Variants in CDC5L observed in about 807,000 individuals in gnomAD.
CDC5L encodes cell division cycle 5 like.
Under a neutral mutation model 104.1 loss-of-function variants are expected in CDC5L, and 18 were observed. The ratio of observed to expected loss-of-function variants is 0.17; its 90% CI spans 0.12 to 0.26. The LOEUF (loss-of-function observed/expected upper bound fraction) is 0.26, where lower values mean the gene tolerates loss of function less well. CDC5L is among the 10% of genes least tolerant of loss of function. The probability of loss-of-function intolerance (pLI) is 1.00; values close to 1 mark genes in which losing one functional copy is unlikely to be tolerated. For missense variants in CDC5L, 673 were observed against 956.9 expected, an observed-to-expected ratio of 0.70 and a Z score of 3.91; for synonymous variants, 331 against 322.7, an observed-to-expected ratio of 1.03 and a Z score of -0.28.
rs925567298 is a variant in CDC5L at position 44,409,664 on chromosome 6, C to T, written c.1092+1032C>T. 3.2e-4 allele frequency among the ~76,000 whole-genome samples: 49 copies of T among 152,192 alleles called. 1 individual carries two copies. The highest frequency in any genetic ancestry group is 2.6e-3 in the Admixed American group (40 of 15,288). ...AGACTACGCTGGCTGTGTCTGTTTT[C>T]TCTAACCTGTGCTGACTTTAGATAG... On this transcript the variant is annotated intron_variant, in intron 8 of 15. Transcript: ENST00000371477.
At chr6:44,436,759 T>C (rs1581660951) in intron 14 of CDC5L, among the ~76,000 whole-genome samples, 1 of 152,232 alleles carries the variant, frequency 6.6e-6, no homozygotes, top group East Asian at 1.9e-4. Context: ...AGATACCGTA[T>C]TATGAAATAG....
chr6:44,420,383 A>G (rs940465466), intron 9 of CDC5L, among the ~76,000 whole-genome samples: 1 of 147,138 alleles, frequency 6.8e-6, no homozygotes, highest in South Asian at 2.2e-4. Context: ...TTTGAGACGG[A>G]CTTTTGCTTT....
rs756188413 is a variant in CDC5L, at chr6:44,411,631, A to AGTGTGTGTGTGT, written c.1092+3000_1092+3001insTGTGTGTGTGTG. On this transcript the variant is annotated intron_variant, in intron 8 of 15. Coordinates refer to ENST00000371477, the MANE Select transcript of CDC5L (RefSeq NM_001253.4). ...GACAGAGAGAGAGAGAGAGAGAGAG[A>AGTGTGTGTGTGT]GAGAGAGTGTGTGTGTGTGTGTGAC... Among the ~76,000 whole-genome samples the AGTGTGTGTGTGT allele has an allele frequency of 4.6e-3, 42 of 9,182 alleles. No homozygotes were observed. In the Middle Eastern group the frequency reaches 0.25, roughly 55 times the overall value. 6.0% of individuals were successfully genotyped at this position (9,182 alleles called of 152,430 possible). A position where few individuals can be genotyped will look rare whatever the true frequency, so the allele number is the denominator to read the frequency against.
At chr6:44,439,175 G>A (rs1356459754) in intron 14 of CDC5L, among the ~76,000 whole-genome samples, 1 of 152,182 alleles carries the variant, frequency 6.6e-6, no homozygotes, top group Non-Finnish European at 1.5e-5. Context: ...CCATGTAGTA[G>A]TATATATTAG....
chr6:44,409,226 G>A (rs975716967), intron 8 of CDC5L, among the ~76,000 whole-genome samples: 3 of 152,196 alleles, frequency 2.0e-5, no homozygotes, highest in African/African-American at 4.8e-5. Context: ...CCCCTCATCC[G>A]TAGAGGTGCC....
chr6:44,393,296 C>G, intron 3 of CDC5L, 150 bp from the exon 4 acceptor site: 1 of 516,476 alleles, frequency 1.9e-6, no homozygotes, highest in South Asian at 3.1e-5. Flanking sequence ...TCATTTCTTT[C>G]AGATGAAGTG....
At chr6:44,443,305 A>G (rs1166564235) in intron 14 of CDC5L, among the ~76,000 whole-genome samples, 1 of 148,774 alleles carries the variant, frequency 6.7e-6, no homozygotes, top group Non-Finnish European at 1.5e-5. Flanking sequence ...AGTTTTTGAC[A>G]TTTTAATTGT....
At chr6:44,409,146 A>G (rs1228917087) in intron 8 of CDC5L, among the ~76,000 whole-genome samples, 2 of 152,216 alleles carry the variant, frequency 1.3e-5, no homozygotes, top group African/African-American at 4.8e-5. Flanking sequence ...TCTAATAGTC[A>G]GGAATATAAT....
chr6:44,409,471 A>T (rs1791533437), intron 8 of CDC5L, among the ~76,000 whole-genome samples: 1 of 152,238 alleles, frequency 6.6e-6, no homozygotes. Context: ...CTAAACCATG[A>T]ATTACCTTAT....
At chr6:44,391,825 G>T (rs976572094) in intron 2 of CDC5L, among the ~76,000 whole-genome samples, 5 of 151,872 alleles carry the variant, frequency 3.3e-5, no homozygotes, top group Non-Finnish European at 7.4e-5. Context: ...GGCCAACATG[G>T]TGAAAACCCC....
intron 8 of CDC5L, among the ~76,000 whole-genome samples, chr6:44,412,401 C>T (rs572262727): frequency 2.2e-4 from 33 of 150,814 alleles, no homozygotes; most frequent in African/African-American, 6.8e-4. Flanking sequence ...AGTTTTTTTA[C>T]TTTTAGTAGA....
chr6:44,421,870 A>G (rs1792195254), intron 9 of CDC5L, among the ~76,000 whole-genome samples: 1 of 152,090 alleles, frequency 6.6e-6, no homozygotes, highest in Non-Finnish European at 1.5e-5. Flanking sequence ...TCCCCGGTGG[A>G]TACTTAGGGA....
intron 8 of CDC5L, among the ~76,000 whole-genome samples, chr6:44,416,544 C>G (rs546897362): frequency 2.0e-5 from 3 of 152,336 alleles, no homozygotes; most frequent in Admixed American, 2.0e-4. Context: ...CCTCTGTCAC[C>G]TCTGCTTCTC....
At chr6:44,441,241 A>G (rs475426) in intron 14 of CDC5L, among the ~76,000 whole-genome samples, 44,121 of 152,076 alleles carry the variant, frequency 0.29, 8,210 homozygotes, top group East Asian at 0.74. Flanking sequence ...ACATCATATG[A>G]TATTTGGCTT....
At chr6:44,440,274 C>G (rs951804273) in intron 14 of CDC5L, among the ~76,000 whole-genome samples, 2 of 145,466 alleles carry the variant, frequency 1.4e-5, no homozygotes, top group African/African-American at 5.1e-5. Flanking sequence ...TGGAATCTTG[C>G]TCTGTTGCTC....
intron 14 of CDC5L, among the ~76,000 whole-genome samples, chr6:44,437,364 G>A (rs1262781580): frequency 6.6e-6 from 1 of 152,172 alleles, no homozygotes; most frequent in Non-Finnish European, 1.5e-5. Context: ...ATAATCAAAT[G>A]ACAGGCGTAA....
intron 4 of CDC5L, among the ~76,000 whole-genome samples, chr6:44,395,978 G>A (rs1790851624): frequency 6.6e-6 from 1 of 152,182 alleles, no homozygotes; most frequent in Non-Finnish European, 1.5e-5. Flanking sequence ...TAATAATGAA[G>A]GATACAATAA....
At chr6:44,421,057 C>G (rs1006355745) in intron 9 of CDC5L, among the ~76,000 whole-genome samples, 5 of 152,124 alleles carry the variant, frequency 3.3e-5, no homozygotes, top group Non-Finnish European at 7.3e-5. Flanking sequence ...TTTTGGAGAC[C>G]CGGTCTCTCA....
chr6:44,414,122 C>T (rs943955885), intron 8 of CDC5L, among the ~76,000 whole-genome samples: 4 of 151,946 alleles, frequency 2.6e-5, no homozygotes, highest in Admixed American at 1.3e-4. Flanking sequence ...CTCTGTCACA[C>T]AGGCTGGAGT....
Sources: gnomAD v4.1 joint callset for allele counts (sites outside exome capture counted in the v4.1 genomes callset) on GRCh38, gnomAD v4.1.1 for gene constraint, MANE v1.5 for transcripts, NCBI Gene and HGNC (gene_info 2026-07-23, HGNC 2026-07-21) for gene names.